Variants in LINGO2 observed in about 807,000 individuals in gnomAD.
The protein encoded by LINGO2 is leucine rich repeat and Ig domain containing 2, also known as leucine-rich repeat and immunoglobulin-like domain-containing nogo receptor-interacting protein 2.
LINGO2 carries 14 observed loss-of-function variants against 30.6 expected under a neutral mutation model. The observed-to-expected ratio is 0.46, with a 90% CI of 0.30 to 0.72. The LOEUF (loss-of-function observed/expected upper bound fraction) is 0.72. LINGO2 is among the 30% of genes least tolerant of loss of function. The pLI is 0.07. For synonymous variants in LINGO2, 317 were observed against 288.5 expected (o/e 1.10, Z -1.00); for missense variants, 729 against 751.7 (o/e 0.97, Z 0.35).
chr9:28,680,033 T>G, the LINGO2 span, among the ~76,000 whole-genome samples: 1 of 152,054 alleles, frequency 6.6e-6, no homozygotes, highest in Non-Finnish European at 1.5e-5. Flanking sequence ...TCTAGGTGAC[T>G]GTGTTATTGA....
chr9:28,086,794 G>C (rs953051507), intron 4 of LINGO2, among the ~76,000 whole-genome samples: 18 of 151,930 alleles, frequency 1.2e-4, no homozygotes, highest in African/African-American at 3.9e-4. Flanking sequence ...TATTTTTCAC[G>C]TCATCCATCT....
chr9:28,658,738 G>A (rs868146644), intron 1 of LINGO2, among the ~76,000 whole-genome samples: 1 of 151,928 alleles, frequency 6.6e-6, no homozygotes, highest in Middle Eastern at 3.4e-3. Flanking sequence ...GTTTTGTTTT[G>A]TTTTGAACCA....
chr9:28,339,135 A>T (rs1303023470), intron 3 of LINGO2, among the ~76,000 whole-genome samples: 1 of 152,138 alleles, frequency 6.6e-6, no homozygotes, highest in Non-Finnish European at 1.5e-5. Flanking sequence ...AAATGTCCTT[A>T]TATGTCCTTT....
the LINGO2 span, among the ~76,000 whole-genome samples, chr9:29,079,280 A>C: frequency 6.6e-6 from 1 of 151,980 alleles, no homozygotes; most frequent in South Asian, 2.1e-4. Flanking sequence ...ATGGTGAAAA[A>C]TAAAAGGAGG....
intron 4 of LINGO2, among the ~76,000 whole-genome samples, chr9:28,279,408 A>C (rs2134120673): frequency 6.6e-6 from 1 of 152,146 alleles, no homozygotes; most frequent in East Asian, 1.9e-4. Flanking sequence ...GATGTGGCAA[A>C]GTTAATTGTT....
chr9:28,256,050 G>T (rs1822373352), intron 4 of LINGO2, among the ~76,000 whole-genome samples: 1 of 151,986 alleles, frequency 6.6e-6, no homozygotes, highest in Non-Finnish European at 1.5e-5. Context: ...GAATGTTTCA[G>T]ATCTTTGATT....
chr9:28,376,786 A>T (rs985881523), intron 2 of LINGO2, among the ~76,000 whole-genome samples: 2 of 152,212 alleles, frequency 1.3e-5, no homozygotes, highest in East Asian at 3.9e-4. Context: ...AATTTGGAAG[A>T]CATGGAGCAG....
At chr9:28,281,547 T>C (rs1823326792) in intron 4 of LINGO2, among the ~76,000 whole-genome samples, 1 of 152,008 alleles carries the variant, frequency 6.6e-6, no homozygotes, top group African/African-American at 2.4e-5. Context: ...AAAAACTGAA[T>C]GATCAACATC....
intron 4 of LINGO2, among the ~76,000 whole-genome samples, chr9:28,062,932 A>T: frequency 6.6e-6 from 1 of 152,006 alleles, no homozygotes; most frequent in East Asian, 1.9e-4. Context: ...CCACGAATTT[A>T]CTATCTCTAT....
intron 1 of LINGO2, among the ~76,000 whole-genome samples, chr9:28,539,590 T>C (rs1821587440): frequency 6.6e-6 from 1 of 152,182 alleles, no homozygotes; most frequent in African/African-American, 2.4e-5. Context: ...TGTTACCTGT[T>C]TGAGCTAGAC....
chr9:28,829,379 T>C, the LINGO2 span, among the ~76,000 whole-genome samples: 1 of 152,130 alleles, frequency 6.6e-6, no homozygotes, highest in Admixed American at 6.6e-5. Flanking sequence ...ATACAGAAGG[T>C]TGTCACACTG....
At chr9:28,823,751 T>C in the LINGO2 span, among the ~76,000 whole-genome samples, 2 of 152,178 alleles carry the variant, frequency 1.3e-5, no homozygotes, top group Non-Finnish European at 2.9e-5. Flanking sequence ...AAGTGGATTG[T>C]CAGTGTACAA....
intron 2 of LINGO2, among the ~76,000 whole-genome samples, chr9:28,384,705 T>G (rs1821506120): frequency 6.6e-6 from 1 of 152,076 alleles, no homozygotes; most frequent in Non-Finnish European, 1.5e-5. Flanking sequence ...AGGAATAAAA[T>G]TACTTTAAAA....
chr9:28,021,459 A>ATT (rs1336575439), intron 4 of LINGO2, among the ~76,000 whole-genome samples: 2 of 151,978 alleles, frequency 1.3e-5, no homozygotes, highest in Non-Finnish European at 2.9e-5. Context: ...AAGAATGTAT[A>ATT]TTTTCCTGTT....
Position 28,212,075 on chromosome 9 carries a change from T to C in LINGO2, c.-87+83133A>G, listed in dbSNP as rs141802807. 2.9e-3 allele frequency among the ~76,000 whole-genome samples: 437 copies of C among 151,584 alleles called. 11 individuals carry two copies. In the South Asian group the frequency reaches 0.052, roughly 18 times the overall value. ...GAAAGGAATATGTATTTAGAAGTAA[T>C]CCAAATTTTGGATTAGCTGAGTAAA... On this transcript the variant is annotated intron_variant, in intron 4 of 5. Coordinates refer to ENST00000379992, the Ensembl canonical transcript of LINGO2.
chr9:28,054,013 A>G (rs1340968323), intron 4 of LINGO2, among the ~76,000 whole-genome samples: 1 of 152,034 alleles, frequency 6.6e-6, no homozygotes, highest in Non-Finnish European at 1.5e-5. Flanking sequence ...GGGCCTGTAT[A>G]TATGCAATTC....
the LINGO2 span, among the ~76,000 whole-genome samples, chr9:28,749,330 C>T: frequency 9.9e-5 from 15 of 151,944 alleles, no homozygotes; most frequent in Non-Finnish European, 1.8e-4. Context: ...CATCCTATTC[C>T]CCCATGCCTT....
the LINGO2 span, among the ~76,000 whole-genome samples, chr9:28,727,496 G>A: frequency 2.6e-5 from 4 of 152,216 alleles, no homozygotes; most frequent in African/African-American, 9.6e-5. Flanking sequence ...CAACGTGTTA[G>A]CCAGGATGGT....
the LINGO2 span, among the ~76,000 whole-genome samples, chr9:29,049,215 G>A: frequency 6.6e-6 from 1 of 152,174 alleles, no homozygotes; most frequent in Non-Finnish European, 1.5e-5. Context: ...AGATGAAAAG[G>A]TGCTGACATC....
Sources: gnomAD v4.1 joint callset for allele counts (sites outside exome capture counted in the v4.1 genomes callset) on GRCh38, gnomAD v4.1.1 for gene constraint, MANE v1.5 for transcripts, NCBI Gene and HGNC (gene_info 2026-07-23, HGNC 2026-07-21) for gene names.